The following GUCY1A1 variants were observed in gnomAD, a reference collection of about 807,000 sequenced individuals.
GUCY1A1 encodes guanylate cyclase soluble subunit alpha-1.
GUCY1A1 carries 48 observed loss-of-function variants against 64.5 expected under a neutral mutation model. The ratio of observed to expected loss-of-function variants is 0.74; its 90% confidence interval spans 0.59 to 0.95. GUCY1A1 has a LOEUF of 0.95. GUCY1A1 is among the 40% of genes least tolerant of loss of function. The pLI, the probability that GUCY1A1 is intolerant of heterozygous loss-of-function variation, is 0.00. For synonymous variants in GUCY1A1, 308 were observed against 303.4 expected (o/e 1.02, Z -0.16); for missense variants, 804 against 825.3 (o/e 0.97, Z 0.32).
intron 8 of GUCY1A1, among the ~76,000 whole-genome samples, chr4:155,718,886 A>G (rs1186919537): frequency 6.6e-6 from 1 of 152,166 alleles, no homozygotes; most frequent in Admixed American, 6.6e-5. Context: ...ATTTGCAAGT[A>G]TGTTTTAAAA....
rs1735893375 is a variant in GUCY1A1, at chr4:155,734,691, T to A, written c.*4460T>A. The A allele has an allele frequency of 6.6e-6, 1 of 151,912 alleles. No homozygotes were observed. Among genetic ancestry groups the A allele is most frequent in the African/African-American group, 2.4e-5 (1 of 41,390 alleles). 9.4% of individuals were successfully genotyped at this position (151,912 alleles called of 1,614,324 possible). On this transcript the variant is annotated 3_prime_UTR_variant, in exon 10 of 10. Coordinates refer to ENST00000506455, the MANE Select transcript of GUCY1A1 (RefSeq NM_001130682.3). ...TTCCTGTGAGGAGGGACTTACCGTC[T>A]CCTCCAAAACAGAAATTCAGTGCTG...
At chr4:155,720,369 A>C (rs1178698325) in intron 8 of GUCY1A1, among the ~76,000 whole-genome samples, 6 of 140,124 alleles carry the variant, frequency 4.3e-5, no homozygotes, top group Non-Finnish European at 9.6e-5. Context: ...CTATCTATCT[A>C]TCTATCTATC....
intron 2 of GUCY1A1, among the ~76,000 whole-genome samples, chr4:155,676,559 A>G (rs1352011850): frequency 6.6e-6 from 1 of 151,442 alleles, no homozygotes; most frequent in Non-Finnish European, 1.5e-5. Flanking sequence ...ATTTACATTC[A>G]CTGTCCTTGA....
chr4:155,669,741 T>A (rs1020279729), intron 2 of GUCY1A1, among the ~76,000 whole-genome samples: 1 of 152,166 alleles, frequency 6.6e-6, no homozygotes, highest in Non-Finnish European at 1.5e-5. Flanking sequence ...TTGAAAAAAA[T>A]TAAATGTTTA....
Position 155,710,581 on chromosome 4 carries a change from AG to A in GUCY1A1, c.418del (p.Val140PhefsTer24). The A allele has an allele frequency of 6.2e-7, 1 of 1,610,980 alleles. No individual in the cohort carries two copies. Among genetic ancestry groups the A allele is most frequent in the Non-Finnish European group, 8.5e-7 (1 of 1,178,392 alleles). On this transcript the variant is annotated frameshift_variant, in exon 6 of 10. Transcript: ENST00000506455. LOFTEE classifies it high-confidence loss of function. ...GTTATCAAAGAATCTCTTGGTGAAG[AG>A]GTTTTTAAAATATGTTACGAGGAAG... is the stretch of plus-strand genomic sequence containing the variant. The part of the protein sequence containing the change: ...VEVIKESLGE[E>X]VFKICYEEDE...
intron 4 of GUCY1A1, among the ~76,000 whole-genome samples, chr4:155,704,972 C>T (rs1220689542): frequency 6.6e-6 from 1 of 152,190 alleles, no homozygotes; most frequent in Admixed American, 6.5e-5. Context: ...CAACCTCTGC[C>T]TCCCTGGCTC....
At chr4:155,703,836 C>A (rs1399477845) in intron 3 of GUCY1A1, 96 bp from the exon 4 acceptor site, 2 of 761,834 alleles carry the variant, frequency 2.6e-6, no homozygotes, top group African/African-American at 3.6e-5. Context: ...GTGCTTTATT[C>A]TCGAAAATAA....
chr4:155,695,424 C>G (rs1730287389), intron 2 of GUCY1A1, among the ~76,000 whole-genome samples: 1 of 152,018 alleles, frequency 6.6e-6, no homozygotes, highest in South Asian at 2.1e-4. Flanking sequence ...TCAGATACCA[C>G]TAGCCAATGA....
At position 155,736,042 on chromosome 4, in the gene GUCY1A1, G is replaced by A. The variant is rs1353116069; in HGVS notation, c.*5811G>A. 6.6e-6 allele frequency: 1 copy of A among 151,900 alleles called. No homozygotes were observed. The highest frequency in any genetic ancestry group is 1.5e-5 in the Non-Finnish European group (1 of 67,942). The allele number at this position is 151,900 out of a possible 1,614,324, so 9.4% of individuals were successfully genotyped here. The stretch of plus-strand genomic sequence containing the variant: ...ACTATTCCTTCACCTCCTTGCACAT[G>A]TAAATTAAAGATGTTTTGGAAAATA... On this transcript the variant is annotated 3_prime_UTR_variant, in exon 10 of 10. Transcript: ENST00000506455.
rs201576098 is a variant in GUCY1A1, at chr4:155,730,068, G to A, written c.1910G>A (p.Arg637Gln). ...KDCPGFVFTP[R>Q]SREELPPNFP... ...TGTCCTGGTTTCGTGTTTACCCCTC[G>A]ATCAAGGGAGGAACTTCCACCAAAC... Residue 637 changes from arginine (R) to glutamine (Q), a missense_variant, in exon 10 of 10, where the codon CGA becomes CAA. Physicochemically the swap from Arg to Gln is conservative, Grantham distance 43. Transcript: ENST00000506455. 3.7e-6 allele frequency: 6 copies of A among 1,610,040 alleles called. No individual in the cohort carries two copies. Among genetic ancestry groups the A allele is most frequent in the Admixed American group, 3.3e-5 (2 of 59,790 alleles).
At chr4:155,725,101 T>G (rs941997896) in intron 9 of GUCY1A1, among the ~76,000 whole-genome samples, 1 of 152,106 alleles carries the variant, frequency 6.6e-6, no homozygotes, top group African/African-American at 2.4e-5. Context: ...TTTCATCTTC[T>G]CAGTTCACAC....
At chr4:155,694,590 T>C (rs1480148012) in intron 2 of GUCY1A1, among the ~76,000 whole-genome samples, 1 of 152,220 alleles carries the variant, frequency 6.6e-6, no homozygotes, top group African/African-American at 2.4e-5. Context: ...GTTCACAGTC[T>C]GCTTTTACAA....
In GUCY1A1 at chr4:155,712,547, G is replaced by A. The variant is rs540972300; in HGVS notation, c.1087-551G>A. Among the ~76,000 whole-genome samples the A allele has an allele frequency of 7.4e-4, 112 of 151,748 alleles. 2 individuals are homozygous for A. Among genetic ancestry groups the A allele is most frequent in the African/African-American group, 2.6e-3 (108 of 41,396 alleles). ...TCACTTGAAGCCCCATCTCTCTCAC[G>A]ACAGAAAAAAAAATTAAGATAAAAA... On this transcript the variant is annotated intron_variant, in intron 6 of 9. Transcript: ENST00000506455.
At chr4:155,687,260 A>G (rs1014211516) in intron 2 of GUCY1A1, among the ~76,000 whole-genome samples, 3 of 152,216 alleles carry the variant, frequency 2.0e-5, no homozygotes, top group African/African-American at 7.2e-5. Context: ...TCAAGGAGAC[A>G]CTGATCATTT....
At position 155,717,179 on chromosome 4, in the gene GUCY1A1, C is replaced by A; in HGVS notation, c.1593C>A (p.Ala531=). The stretch of plus-strand genomic sequence containing the variant: ...TCTAGGTGGAGACCATTGGCGATGC[C>A]TATTGTGTAGCTGGGGGATTACACA... ...DVYKVETIGD[A]YCVAGGLHKE... Residue 531 remains alanine, a synonymous_variant, in exon 8 of 10, where the codon GCC becomes GCA. Coordinates refer to ENST00000506455, the MANE Select transcript of GUCY1A1 (RefSeq NM_001130682.3). 1.3e-6 allele frequency: 2 copies of A among 1,527,456 alleles called. No individual in the cohort carries two copies. The highest frequency in any genetic ancestry group is 1.8e-6 in the Non-Finnish European group (2 of 1,129,020). The allele number at this position is 1,527,456 out of a possible 1,614,324, so 94.6% of individuals were successfully genotyped here. A position where few individuals can be genotyped will look rare whatever the true frequency, so the allele number is the denominator to read the frequency against.
Position 155,733,754 on chromosome 4 carries a change from G to A in GUCY1A1, c.*3523G>A, listed in dbSNP as rs1240274635. ...ACAGTTTTAAAGCTACTAGATAAGA[G>A]AAGCATCAAGTCTTAAAGGAAGAGA... On this transcript the variant is annotated 3_prime_UTR_variant, in exon 10 of 10. Coordinates refer to ENST00000506455, the MANE Select transcript of GUCY1A1 (RefSeq NM_001130682.3). Among the ~76,000 whole-genome samples the A allele has an allele frequency of 2.6e-5, 4 of 151,202 alleles. No individual in the cohort carries two copies. Among genetic ancestry groups the A allele is most frequent in the Non-Finnish European group, 4.4e-5 (3 of 67,770 alleles).
At chr4:155,712,546 C>T (rs938892157) in intron 6 of GUCY1A1, among the ~76,000 whole-genome samples, 6 of 151,848 alleles carry the variant, frequency 4.0e-5, no homozygotes, top group African/African-American at 7.3e-5. Flanking sequence ...ATCTCTCTCA[C>T]GACAGAAAAA....
In GUCY1A1 at chr4:155,710,947, G is replaced by T; in HGVS notation, c.782G>T (p.Ser261Ile). 6.2e-7 allele frequency: 1 copy of T among 1,613,590 alleles called. No individual in the cohort carries two copies. The highest frequency in any genetic ancestry group is 8.5e-7 in the Non-Finnish European group (1 of 1,179,550). ...TTGTTGTACTCCGTTCACATGAAAA[G>T]CACCAAGCCATCCCTGTCCCCCAGC... ...PYLLYSVHMKSTKPSLSPSKP... is the reference protein window; with the variant it reads ...PYLLYSVHMKITKPSLSPSKP... Residue 261 changes from serine to isoleucine, a missense_variant, in exon 6 of 10, where the codon AGC becomes ATC. Transcript: ENST00000506455.
intron 2 of GUCY1A1, 175 bp downstream of exon 2, chr4:155,667,594 G>T (rs1179440867): frequency 6.6e-6 from 1 of 152,292 alleles, no homozygotes; most frequent in African/African-American, 2.4e-5. Context: ...GGAGCGAGAG[G>T]AAAGGAGAGG....
Sources: gnomAD v4.1 joint callset for allele counts (sites outside exome capture counted in the v4.1 genomes callset) on GRCh38, gnomAD v4.1.1 for gene constraint, MANE v1.5 for transcripts, NCBI Gene and HGNC (gene_info 2026-07-23, HGNC 2026-07-21) for gene names.